Variants in CTNNA2 observed in about 807,000 individuals in gnomAD.
CTNNA2 encodes catenin alpha-2.
Under a neutral mutation model 101.0 loss-of-function variants are expected in CTNNA2, and 42 were observed. The ratio of observed to expected loss-of-function variants is 0.42; its 90% confidence interval spans 0.32 to 0.54. CTNNA2 has a LOEUF of 0.54. Ranked by LOEUF, CTNNA2 falls within the 20% of genes least tolerant of loss-of-function variation. The pLI, the probability that CTNNA2 is intolerant of heterozygous loss-of-function variation, is 0.14. For missense variants in CTNNA2, 871 were observed against 1,223.1 expected, an observed-to-expected ratio of 0.71 and a Z score of 4.29; for synonymous variants, 450 against 456.4, an observed-to-expected ratio of 0.99 and a Z score of 0.18.
chr2:79,824,771 G>C lies in CTNNA2; in HGVS notation c.299-33242G>C, dbSNP rs145413752. On this transcript the variant is annotated intron_variant, in intron 3 of 18. Coordinates refer to ENST00000402739, the MANE Select transcript of CTNNA2 (RefSeq NM_001282597.3). ...ATGCACTGAGATGCTTTGTGATACA[G>C]ATATACCTTCTAAATCATCAAAAAA... 2.7e-3 allele frequency among the ~76,000 whole-genome samples: 411 copies of C among 152,230 alleles called. 2 individuals are homozygous for C. The highest frequency in any genetic ancestry group is 9.2e-3 in the African/African-American group (382 of 41,522).
chr2:80,405,564 G>A (rs1207705052), intron 8 of CTNNA2, among the ~76,000 whole-genome samples: 1 of 152,116 alleles, frequency 6.6e-6, no homozygotes, highest in Admixed American at 6.5e-5. Context: ...TCTTCCTTAT[G>A]CCATTCATAT....
chr2:80,637,375 G>A (rs183934428), intron 18 of CTNNA2, among the ~76,000 whole-genome samples: 1 of 151,544 alleles, frequency 6.6e-6, no homozygotes, highest in African/African-American at 2.4e-5. Context: ...TGTAGTTAGT[G>A]ATCCATCCAG....
chr2:79,436,691 G>A (rs1678719306), intron 4 of CTNNA2, among the ~76,000 whole-genome samples: 1 of 151,896 alleles, frequency 6.6e-6, no homozygotes, highest in Non-Finnish European at 1.5e-5. Context: ...CAGTGCAGTG[G>A]CGCAGTCTCG....
chr2:79,731,983 C>A (rs1444261525), intron 2 of CTNNA2, among the ~76,000 whole-genome samples: 1 of 151,638 alleles, frequency 6.6e-6, no homozygotes, highest in Non-Finnish European at 1.5e-5. Flanking sequence ...CCTCAAGTAA[C>A]ATTAAAAAAA....
intron 3 of CTNNA2, among the ~76,000 whole-genome samples, chr2:79,362,225 C>T (rs1220704090): frequency 1.3e-5 from 2 of 152,176 alleles, no homozygotes; most frequent in African/African-American, 4.8e-5. Context: ...CACTTTCATT[C>T]ATCTTACATC....
At chr2:80,175,516 A>T (rs1193023241) in intron 7 of CTNNA2, among the ~76,000 whole-genome samples, 1 of 152,162 alleles carries the variant, frequency 6.6e-6, no homozygotes, top group African/African-American at 2.4e-5. Flanking sequence ...CCTTCAACAA[A>T]TATTTAGTGA....
At chr2:80,531,251 G>C (rs1484034113) in intron 9 of CTNNA2, among the ~76,000 whole-genome samples, 2 of 152,142 alleles carry the variant, frequency 1.3e-5, no homozygotes, top group Non-Finnish European at 2.9e-5. Flanking sequence ...TTCTCCTTCG[G>C]GCAGTAACCA....
intron 2 of CTNNA2, among the ~76,000 whole-genome samples, chr2:79,217,553 G>A (rs1377413280): frequency 6.6e-6 from 1 of 152,174 alleles, no homozygotes; most frequent in Non-Finnish European, 1.5e-5. Flanking sequence ...GATGAGCCAG[G>A]AGAAGGAATT....
chr2:79,409,765 A>G (rs1678386512), intron 4 of CTNNA2, among the ~76,000 whole-genome samples: 1 of 147,772 alleles, frequency 6.8e-6, no homozygotes, highest in African/African-American at 2.5e-5. Context: ...TTGGCTTAGG[A>G]TTGACTTGGT....
At chr2:79,405,392 C>A (rs1313288804) in intron 4 of CTNNA2, among the ~76,000 whole-genome samples, 1 of 152,040 alleles carries the variant, frequency 6.6e-6, no homozygotes, top group Non-Finnish European at 1.5e-5. Context: ...GTGGTGTGAT[C>A]TAGGCTCACT....
intron 7 of CTNNA2, among the ~76,000 whole-genome samples, chr2:80,033,828 A>T (rs1467145271): frequency 6.6e-6 from 1 of 152,162 alleles, no homozygotes; most frequent in East Asian, 1.9e-4. Flanking sequence ...GTGTATGAAA[A>T]TGTATCATCT....
chr2:80,109,234 G>A (rs1048639950), intron 7 of CTNNA2, among the ~76,000 whole-genome samples: 2 of 152,224 alleles, frequency 1.3e-5, no homozygotes, highest in African/African-American at 4.8e-5. Flanking sequence ...GCTGAGGCCG[G>A]TGGATCACGA....
intron 7 of CTNNA2, among the ~76,000 whole-genome samples, chr2:80,215,860 G>A (rs1381909548): frequency 6.6e-6 from 1 of 152,170 alleles, no homozygotes; most frequent in Admixed American, 6.5e-5. Context: ...GCCCCCAGAG[G>A]TGGAGTCTAC....
intron 7 of CTNNA2, among the ~76,000 whole-genome samples, chr2:79,954,928 C>T (rs929554199): frequency 7.2e-5 from 11 of 152,140 alleles, no homozygotes; most frequent in Non-Finnish European, 1.3e-4. Context: ...GGGAGCAGTA[C>T]ATACCAACTT....
rs17017701 is a variant in CTNNA2, at chr2:79,724,052, A to T, written c.103-20335A>T. Among the ~76,000 whole-genome samples the T allele has an allele frequency of 0.011, 1,697 of 152,240 alleles. 62 individuals carry two copies. In the East Asian group the frequency reaches 0.12, roughly 11 times the overall value. ...AGCAGTCTGGAATTCCTCAACCACC[A>T]TCTCAGTTCTGGACTGCCTCGTTGG... On this transcript the variant is annotated intron_variant, in intron 2 of 18. Coordinates refer to ENST00000402739, the MANE Select transcript of CTNNA2 (RefSeq NM_001282597.3).
chr2:79,681,568 A>G (rs922621703), intron 2 of CTNNA2, among the ~76,000 whole-genome samples: 10 of 152,380 alleles, frequency 6.6e-5, no homozygotes, highest in African/African-American at 1.7e-4. Flanking sequence ...ATCAATGTCC[A>G]CAAGTGTTAT....
At chr2:80,393,347 A>G (rs1250825434) in intron 8 of CTNNA2, 56 bp downstream of exon 8, 5 of 1,257,782 alleles carry the variant, frequency 4.0e-6, no homozygotes, top group African/African-American at 1.5e-5. Flanking sequence ...GTTTCCAACA[A>G]TATCCTTTTC....
chr2:79,853,860 A>G (rs1174791911), intron 3 of CTNNA2, among the ~76,000 whole-genome samples: 1 of 151,452 alleles, frequency 6.6e-6, no homozygotes, highest in Non-Finnish European at 1.5e-5. Flanking sequence ...AAGAGATGGG[A>G]TTTCTCCATG....
chr2:80,448,854 T>C (rs1336794831), intron 9 of CTNNA2, among the ~76,000 whole-genome samples: 1 of 152,114 alleles, frequency 6.6e-6, no homozygotes, highest in Non-Finnish European at 1.5e-5. Flanking sequence ...GATATTGCCT[T>C]CATTTCCCCA....
Sources: gnomAD v4.1 joint callset for allele counts (sites outside exome capture counted in the v4.1 genomes callset) on GRCh38, gnomAD v4.1.1 for gene constraint, MANE v1.5 for transcripts, NCBI Gene and HGNC (gene_info 2026-07-23, HGNC 2026-07-21) for gene names.